Variants in STK32B observed in about 807,000 individuals in gnomAD.
The protein encoded by STK32B is serine/threonine kinase 32B, also known as serine/threonine-protein kinase 32B.
STK32B carries 43 observed loss-of-function variants against 52.6 expected under a neutral mutation model. The ratio of observed to expected loss-of-function variants is 0.82; its 90% CI spans 0.64 to 1.05. The LOEUF is 1.05. Ranked by LOEUF, STK32B falls within the 50% of genes least tolerant of loss-of-function variation. The pLI, the probability that STK32B is intolerant of heterozygous loss-of-function variation, is 0.00. For synonymous variants in STK32B, 238 were observed against 204.3 expected, an observed-to-expected ratio of 1.17 and a Z score of -1.41; for missense variants, 621 against 534.6, an observed-to-expected ratio of 1.16 and a Z score of -1.59.
At chr4:5,053,208 T>C (rs1577612435) in intron 1 of STK32B, among the ~76,000 whole-genome samples, 1 of 152,304 alleles carries the variant, frequency 6.6e-6, no homozygotes, top group Admixed American at 6.5e-5. Context: ...CCTAGTCTAA[T>C]GGCCCTGAAT....
chr4:5,310,628 A>T (rs1189493856), intron 3 of STK32B, among the ~76,000 whole-genome samples: 1 of 152,148 alleles, frequency 6.6e-6, no homozygotes, highest in East Asian at 1.9e-4. Context: ...AACAGTATGG[A>T]GGGTCCTAAA....
At chr4:5,118,543 T>G (rs745454483) in intron 1 of STK32B, among the ~76,000 whole-genome samples, 1 of 152,212 alleles carries the variant, frequency 6.6e-6, no homozygotes, top group Non-Finnish European at 1.5e-5. Context: ...CTTCTAGGTC[T>G]TGTTTCAGAA....
chr4:5,284,377 G>A (rs1034595330), intron 3 of STK32B, among the ~76,000 whole-genome samples: 3 of 152,080 alleles, frequency 2.0e-5, no homozygotes, highest in Admixed American at 6.6e-5. Flanking sequence ...GAAGACTTAG[G>A]CAGCAATAAT....
chr4:5,291,972 T>C (rs1159040244), intron 3 of STK32B, among the ~76,000 whole-genome samples: 2 of 152,156 alleles, frequency 1.3e-5, no homozygotes, highest in African/African-American at 4.8e-5. Context: ...GCAAACCTAG[T>C]ACCCAATAAG....
intron 5 of STK32B, among the ~76,000 whole-genome samples, chr4:5,412,477 G>A (rs1378767763): frequency 1.3e-5 from 2 of 152,104 alleles, no homozygotes; most frequent in African/African-American, 4.8e-5. Context: ...TGAATTCCTG[G>A]GTGGAAGCAG....
chr4:5,224,177 G>C (rs1447117456), intron 3 of STK32B, among the ~76,000 whole-genome samples: 3 of 152,148 alleles, frequency 2.0e-5, no homozygotes, highest in Non-Finnish European at 4.4e-5. Flanking sequence ...ATTATATTTT[G>C]TACGTGAGAA....
At chr4:5,052,352 C>CGCATTT (rs1464449973) in intron 1 of STK32B, among the ~76,000 whole-genome samples, 1 of 152,078 alleles carries the variant, frequency 6.6e-6, no homozygotes, top group Non-Finnish European at 1.5e-5. Context: ...GTGCCCACGA[C>CGCATTT]GCATTTGGTC....
intron 3 of STK32B, among the ~76,000 whole-genome samples, chr4:5,186,785 T>C (rs1039981075): frequency 1.3e-5 from 2 of 152,208 alleles, no homozygotes; most frequent in African/African-American, 4.8e-5. Context: ...CTCTCCTATC[T>C]AGAGTCCCTC....
intron 3 of STK32B, among the ~76,000 whole-genome samples, chr4:5,182,297 C>T (rs1476758389): frequency 6.6e-6 from 1 of 152,098 alleles, no homozygotes; most frequent in Non-Finnish European, 1.5e-5. Context: ...TTCTTCTAAA[C>T]TCCTGTTAAT....
At chr4:5,328,047 C>A (rs530656935) in intron 3 of STK32B, among the ~76,000 whole-genome samples, 5 of 152,308 alleles carry the variant, frequency 3.3e-5, no homozygotes, top group Admixed American at 6.5e-5. Context: ...CATGAACCAA[C>A]CTTTGCTAGC....
chr4:5,289,432 A>G (rs1728746864), intron 3 of STK32B, among the ~76,000 whole-genome samples: 1 of 152,156 alleles, frequency 6.6e-6, no homozygotes, highest in Non-Finnish European at 1.5e-5. Context: ...CACTTAGGCT[A>G]CACTAAATTT....
chr4:5,404,182 G>A (rs1417792982), intron 5 of STK32B, among the ~76,000 whole-genome samples: 2 of 152,182 alleles, frequency 1.3e-5, no homozygotes, highest in Admixed American at 6.5e-5. Context: ...CAACAGAAAC[G>A]TATTGTCTCA....
chr4:5,055,405 C>T (rs1241437746), intron 1 of STK32B, among the ~76,000 whole-genome samples: 1 of 151,962 alleles, frequency 6.6e-6, no homozygotes, highest in Non-Finnish European at 1.5e-5. Flanking sequence ...ACAGCTCTTG[C>T]TTGGATTATT....
At chr4:5,275,136 A>G (rs60773809) in intron 3 of STK32B, among the ~76,000 whole-genome samples, 27,836 of 152,164 alleles carry the variant, frequency 0.18, 5,946 homozygotes, top group African/African-American at 0.52. Flanking sequence ...GAAGTGGCCC[A>G]CCGCCATTTT....
In STK32B at chr4:5,488,537, A is replaced by C. The variant is rs139582293; in HGVS notation, c.1107-10408A>C. Among the ~76,000 whole-genome samples the C allele has an allele frequency of 1.1e-3, 162 of 152,242 alleles. 1 individual carries two copies. Among genetic ancestry groups the C allele is most frequent in the African/African-American group, 3.8e-3 (157 of 41,550 alleles). On this transcript the variant is annotated intron_variant, in intron 11 of 11. Transcript: ENST00000282908. ...AATAATTACCTTTTAATTGTAGTCA[A>C]CTTGATCACACACATTACTTTCATA...
At chr4:5,105,397 C>T (rs1023196535) in intron 1 of STK32B, among the ~76,000 whole-genome samples, 8 of 152,236 alleles carry the variant, frequency 5.3e-5, no homozygotes, top group Non-Finnish European at 7.4e-5. Context: ...TCCTCTTTAG[C>T]GAAATACCTA....
chr4:5,338,779 C>T (rs906067785), intron 4 of STK32B, among the ~76,000 whole-genome samples: 1 of 152,158 alleles, frequency 6.6e-6, no homozygotes, highest in African/African-American at 2.4e-5. Flanking sequence ...CAGATCTACC[C>T]TGGGGAAAAG....
intron 11 of STK32B, 69 bp downstream of exon 11, chr4:5,468,139 T>C: frequency 6.6e-7 from 1 of 1,517,120 alleles, no homozygotes; most frequent in Non-Finnish European, 9.2e-7. Flanking sequence ...CCTGGCAGAA[T>C]CACAGTCCCT....
chr4:5,406,966 G>A (rs972104355), intron 5 of STK32B, among the ~76,000 whole-genome samples: 15 of 152,176 alleles, frequency 9.9e-5, no homozygotes, highest in Non-Finnish European at 1.2e-4. Context: ...TCTACCACAT[G>A]GCCAGGCTGC....
Sources: gnomAD v4.1 joint callset for allele counts (sites outside exome capture counted in the v4.1 genomes callset) on GRCh38, gnomAD v4.1.1 for gene constraint, MANE v1.5 for transcripts, NCBI Gene and HGNC (gene_info 2026-07-23, HGNC 2026-07-21) for gene names.